FGF12: variants seen among roughly 807,000 people sequenced by gnomAD.
FGF12 encodes the protein fibroblast growth factor 12.
In FGF12, 14 loss-of-function variants were observed where a neutral mutation model predicts 23.6. That is an observed-to-expected ratio of 0.59 (90% confidence interval 0.39 to 0.93). The LOEUF (loss-of-function observed/expected upper bound fraction) is 0.93. FGF12 is among the 40% of genes least tolerant of loss of function. The probability of loss-of-function intolerance (pLI) is 0.00; values close to 1 mark genes in which losing one functional copy is unlikely to be tolerated. For missense variants in FGF12, 175 were observed against 217.8 expected (o/e 0.80, Z 1.24); for synonymous variants, 62 against 77.3 (o/e 0.80, Z 1.04).
At chr3:192,717,208 T>C (rs1718892978) in intron 2 of FGF12, among the ~76,000 whole-genome samples, 2 of 152,170 alleles carry the variant, frequency 1.3e-5, no homozygotes, top group South Asian at 4.1e-4. Flanking sequence ...TATACTAAAG[T>C]ATGCCTTGGG....
Position 192,216,726 on chromosome 3 carries a change from T to G in FGF12, c.229-46070A>C, listed in dbSNP as rs115685355. ...AGAAATCAAGTTTAATTCACAAAAT[T>G]GTGGAGCTGAAAATAATCTTTAAAA... is the stretch of plus-strand genomic sequence containing the variant. On this transcript the variant is annotated intron_variant, in intron 4 of 5. Transcript: ENST00000445105. 8.2e-3 allele frequency among the ~76,000 whole-genome samples: 1,241 copies of G among 152,260 alleles called. 9 individuals are homozygous for G. The highest frequency in any genetic ancestry group is 0.029 in the African/African-American group (1,186 of 41,548).
intron 2 of FGF12, among the ~76,000 whole-genome samples, chr3:192,565,786 A>T (rs1712246585): frequency 6.6e-6 from 1 of 152,332 alleles, no homozygotes; most frequent in East Asian, 1.9e-4. Flanking sequence ...TATCCCTGTC[A>T]TTAAGAGACG....
intron 2 of FGF12, among the ~76,000 whole-genome samples, chr3:192,676,224 CACT>C (rs1717322858): frequency 6.6e-6 from 1 of 152,200 alleles, no homozygotes; most frequent in Admixed American, 6.5e-5. Flanking sequence ...CAGCTCACAT[CACT>C]ACAAGACAAA....
At chr3:192,295,574 C>T (rs1482926594) in intron 4 of FGF12, among the ~76,000 whole-genome samples, 1 of 152,102 alleles carries the variant, frequency 6.6e-6, no homozygotes. Context: ...AATTTTCTAT[C>T]CAAGGAATAA....
intron 2 of FGF12, among the ~76,000 whole-genome samples, chr3:192,600,685 A>G (rs1000829204): frequency 6.6e-6 from 1 of 152,098 alleles, no homozygotes; most frequent in African/African-American, 2.4e-5. Context: ...GCCAAGAAAT[A>G]CATGAAAAAA....
intron 2 of FGF12, among the ~76,000 whole-genome samples, chr3:192,581,951 A>T (rs2108614846): frequency 6.6e-6 from 1 of 152,266 alleles, no homozygotes; most frequent in South Asian, 2.1e-4. Flanking sequence ...GTCCTGATAG[A>T]CTCAATGTTT....
At chr3:192,301,462 C>T in intron 4 of FGF12, among the ~76,000 whole-genome samples, 1 of 152,134 alleles carries the variant, frequency 6.6e-6, no homozygotes, top group Non-Finnish European at 1.5e-5. Context: ...GATAGATATC[C>T]AATGGTATAG....
At chr3:192,526,670 C>T (rs926045327) in intron 2 of FGF12, among the ~76,000 whole-genome samples, 1 of 152,152 alleles carries the variant, frequency 6.6e-6, no homozygotes, top group Non-Finnish European at 1.5e-5. Context: ...TCGCAATATA[C>T]AGATGCTACT....
intron 2 of FGF12, among the ~76,000 whole-genome samples, chr3:192,424,993 T>C (rs1721649834): frequency 6.6e-6 from 1 of 152,174 alleles, no homozygotes. Context: ...TGTTGTTTTA[T>C]ATGTATACTG....
intron 5 of FGF12, among the ~76,000 whole-genome samples, chr3:192,154,849 G>C (rs1020163016): frequency 1.9e-4 from 28 of 144,028 alleles, no homozygotes; most frequent in Non-Finnish European, 1.2e-4. Context: ...CACCCAGTTC[G>C]AGCTTCCCGG....
At chr3:192,246,023 T>C (rs1711548981) in intron 4 of FGF12, among the ~76,000 whole-genome samples, 1 of 152,216 alleles carries the variant, frequency 6.6e-6, no homozygotes, top group East Asian at 1.9e-4. Flanking sequence ...TCCTAGTTCG[T>C]TGATATCTCA....
chr3:192,278,882 T>C (rs1713965560), intron 4 of FGF12, among the ~76,000 whole-genome samples: 1 of 152,150 alleles, frequency 6.6e-6, no homozygotes, highest in South Asian at 2.1e-4. Flanking sequence ...TCCCTCTCCA[T>C]AGTCTAACTA....
intron 3 of FGF12, among the ~76,000 whole-genome samples, chr3:192,354,272 A>G (rs1718365015): frequency 1.3e-5 from 2 of 152,194 alleles, no homozygotes; most frequent in Admixed American, 1.3e-4. Context: ...CTAGACTGAG[A>G]GAATCTTAAG....
chr3:192,524,903 A>C (rs903760800), intron 2 of FGF12, among the ~76,000 whole-genome samples: 1 of 152,080 alleles, frequency 6.6e-6, no homozygotes, highest in East Asian at 1.9e-4. Context: ...TTATAAAATC[A>C]CCATAATCAA....
At chr3:192,150,832 G>GT (rs1393538441) in intron 5 of FGF12, among the ~76,000 whole-genome samples, 1 of 140,840 alleles carries the variant, frequency 7.1e-6, no homozygotes, top group Non-Finnish European at 1.6e-5. Flanking sequence ...CTTTAAAGTA[G>GT]TTTTTTCCAA....
At position 192,518,195 on chromosome 3, in the gene FGF12, C is replaced by A. The variant is rs190626658; in HGVS notation, c.14-157657G>T. Among the ~76,000 whole-genome samples, 146 of 152,006 alleles carry A rather than the reference C, an allele frequency of 9.6e-4. 1 individual carries two copies. The highest frequency in any genetic ancestry group is 3.3e-3 in the Admixed American group (51 of 15,276). On this transcript the variant is annotated intron_variant, in intron 2 of 5. Coordinates refer to ENST00000445105, the MANE Select transcript of FGF12 (RefSeq NM_004113.6). ...GTAGTTGGGATTTTTTAAAGTTAGC[C>A]ATTCTTTCTGTTTTCTAATTGACTT...
At chr3:192,347,222 T>G (rs1308271812) in intron 3 of FGF12, among the ~76,000 whole-genome samples, 2 of 152,182 alleles carry the variant, frequency 1.3e-5, no homozygotes, top group Non-Finnish European at 2.9e-5. Flanking sequence ...CAAGCTCACA[T>G]GCGATACTGA....
intron 4 of FGF12, among the ~76,000 whole-genome samples, chr3:192,277,581 T>C (rs1713869884): frequency 6.6e-6 from 1 of 152,324 alleles, no homozygotes; most frequent in East Asian, 1.9e-4. Flanking sequence ...ACTGGGTAAC[T>C]ATGAGTATTG....
chr3:192,279,761 G>C (rs2108637956), intron 4 of FGF12, among the ~76,000 whole-genome samples: 1 of 152,292 alleles, frequency 6.6e-6, no homozygotes, highest in Admixed American at 6.5e-5. Flanking sequence ...CTATCTTGCT[G>C]TGTGGCATGG....
Sources: gnomAD v4.1 joint callset for allele counts (sites outside exome capture counted in the v4.1 genomes callset) on GRCh38, gnomAD v4.1.1 for gene constraint, MANE v1.5 for transcripts, NCBI Gene and HGNC (gene_info 2026-07-23, HGNC 2026-07-21) for gene names.